The following PCDHGB2 variants were observed in gnomAD, a reference collection of about 807,000 sequenced individuals.
PCDHGB2 encodes protocadherin gamma-B2.
In PCDHGB2, 55 loss-of-function variants were observed where a neutral mutation model predicts 59.3. That is an observed-to-expected ratio of 0.93 (90% CI 0.75 to 1.16). The LOEUF (loss-of-function observed/expected upper bound fraction) is 1.16. Ranked by LOEUF, PCDHGB2 falls within the 50% of genes most tolerant of loss-of-function variation. The pLI, the probability that PCDHGB2 is intolerant of heterozygous loss-of-function variation, is 0.00. For synonymous variants in PCDHGB2, 516 were observed against 512.0 expected, an observed-to-expected ratio of 1.01 and a Z score of -0.11; for missense variants, 1,228 against 1,198.5, an observed-to-expected ratio of 1.02 and a Z score of -0.36.
chr5:141,414,060 G>C (rs769101242), intron 1 of PCDHGB2: 1 of 1,609,304 alleles, frequency 6.2e-7, no homozygotes, highest in South Asian at 1.1e-5. Flanking sequence ...AATTGTTGAA[G>C]TTCCAACTAA....
At chr5:141,400,547 C>A (rs534226736) in intron 1 of PCDHGB2, 12 of 1,613,676 alleles carry the variant, frequency 7.4e-6, no homozygotes, top group African/African-American at 2.7e-5. Flanking sequence ...TATGTCTATT[C>A]TTTTTCATTA....
At chr5:141,386,634 G>A (rs1351043708) in intron 1 of PCDHGB2, among the ~76,000 whole-genome samples, 2 of 151,884 alleles carry the variant, frequency 1.3e-5, no homozygotes, top group Non-Finnish European at 2.9e-5. Context: ...CTGTCACCCA[G>A]GCTGGATACA....
intron 1 of PCDHGB2, chr5:141,410,353 C>T: frequency 1.9e-6 from 3 of 1,614,078 alleles, no homozygotes; most frequent in Non-Finnish European, 2.5e-6. Flanking sequence ...GCCTGCGACG[C>T]TCTCTCAGCC....
rs534823543 is a variant in PCDHGB2, at chr5:141,383,535, C to T, written c.2421+20979C>T. ...AAGAGCGGGTTCACCACCTGGTCCT[C>T]ACAGCCTCTGATGGCGGCGACCCGC... On this transcript the variant is annotated intron_variant, in intron 1 of 3. Transcript: ENST00000522605. The T allele has an allele frequency of 1.9e-5, 31 of 1,612,472 alleles. No individual in the cohort carries two copies. The African/African-American group carries it at 3.7e-4, about 19-fold the overall frequency.
In PCDHGB2 at chr5:141,477,097, G is replaced by A; in HGVS notation, c.2422-17710G>A. ...AGATTTACATCCAGGCCAAAGACAAGGGCGCCAATCCCGAAGGAGCACATT... is the reference window on the plus strand; with the variant it reads ...AGATTTACATCCAGGCCAAAGACAAAGGCGCCAATCCCGAAGGAGCACATT... On this transcript the variant is annotated intron_variant, in intron 1 of 3. Transcript: ENST00000522605. This position sits in a 1 kb window ranked among gnomAD's most constrained non-coding sequence, Gnocchi z 4.9. 1 of 1,614,242 alleles carries A rather than the reference G, an allele frequency of 6.2e-7. No homozygotes were observed. Among genetic ancestry groups the A allele is most frequent in the South Asian group, 1.1e-5 (1 of 91,088 alleles).
chr5:141,379,097 A>G (rs1775367339), intron 1 of PCDHGB2: 1 of 152,260 alleles, frequency 6.6e-6, no homozygotes, highest in Non-Finnish European at 1.5e-5. Context: ...ATGTGTAAGA[A>G]AAAAGCAATT....
At chr5:141,384,518 C>T (rs1479729851) in intron 1 of PCDHGB2, 7 of 1,614,192 alleles carry the variant, frequency 4.3e-6, no homozygotes, top group East Asian at 4.5e-5. Flanking sequence ...AGCGGGGACC[C>T]GCCTCTCAGC....
At chr5:141,369,276 A>T (rs1275189413) in intron 1 of PCDHGB2, among the ~76,000 whole-genome samples, 1 of 152,086 alleles carries the variant, frequency 6.6e-6, no homozygotes, top group Non-Finnish European at 1.5e-5. Context: ...CTTACAATTC[A>T]CTCCCCAATC....
At chr5:141,379,256 A>C (rs896314996) in intron 1 of PCDHGB2, 1 of 152,234 alleles carries the variant, frequency 6.6e-6, no homozygotes, top group Non-Finnish European at 1.5e-5. Flanking sequence ...ATTTACATTT[A>C]AGGAATTGTT....
chr5:141,490,143 A>G lies in PCDHGB2; in HGVS notation c.2422-4664A>G. On this transcript the variant is annotated intron_variant, in intron 1 of 3. Transcript: ENST00000522605. The surrounding 1 kb of genome is among the most constrained non-coding windows in gnomAD (Gnocchi z 5.4). ...TTGGCCTAGACCCTAGCAGTGGGGC[A>G]ATCCATGTGTTGGGTCCCATAGACT... is the stretch of plus-strand genomic sequence containing the variant. 1 of 1,614,234 alleles carries G rather than the reference A, an allele frequency of 6.2e-7. No homozygotes were observed. The highest frequency in any genetic ancestry group is 8.5e-7 in the Non-Finnish European group (1 of 1,180,034).
intron 1 of PCDHGB2, among the ~76,000 whole-genome samples, chr5:141,465,119 A>T (rs2099097382): frequency 6.6e-6 from 1 of 151,780 alleles, no homozygotes; most frequent in Non-Finnish European, 1.5e-5. Flanking sequence ...GTTTTAGCCT[A>T]AATTTGTAAA....
intron 1 of PCDHGB2, chr5:141,388,159 G>A (rs1420782628): frequency 6.8e-7 from 1 of 1,473,814 alleles, no homozygotes; most frequent in African/African-American, 1.4e-5. Context: ...AGGCTAGACA[G>A]GGAGGAGATA....
In PCDHGB2 at chr5:141,486,042, G is replaced by A; in HGVS notation, c.2422-8765G>A. The A allele has an allele frequency of 6.2e-7, 1 of 1,614,180 alleles. No individual in the cohort carries two copies. The highest frequency in any genetic ancestry group is 8.5e-7 in the Non-Finnish European group (1 of 1,180,030). On this transcript the variant is annotated intron_variant, in intron 1 of 3. Coordinates refer to ENST00000522605, the MANE Select transcript of PCDHGB2 (RefSeq NM_018923.3). This position sits in a 1 kb window ranked among gnomAD's most constrained non-coding sequence, Gnocchi z 5.0. The stretch of plus-strand genomic sequence containing the variant: ...AGTGGTCATACCCCTGATCGTGTAA[G>A]AAACCTCTTTAGCCTGCACCCCACT...
chr5:141,370,144 A>G (rs1427805269), intron 1 of PCDHGB2: 2 of 435,992 alleles, frequency 4.6e-6, no homozygotes, highest in Non-Finnish European at 4.0e-6. Flanking sequence ...TTTAGTCACC[A>G]TTACTGCAGT....
At chr5:141,422,209 C>G (rs1463323983) in intron 1 of PCDHGB2, 1 of 1,561,666 alleles carries the variant, frequency 6.4e-7, no homozygotes, top group East Asian at 2.2e-5. Context: ...TGGTGGAGGT[C>G]TCTTTACCAC....
Position 141,489,753 on chromosome 5 carries a change from T to A in PCDHGB2, c.2422-5054T>A, listed in dbSNP as rs549652158. On this transcript the variant is annotated intron_variant, in intron 1 of 3. Transcript: ENST00000522605. The surrounding 1 kb of genome is among the most constrained non-coding windows in gnomAD (Gnocchi z 4.5). ...GCACCAATACTGTGAGCTTTTACAC[T>A]CTAAGCCCCAACAGCCACTTCTCTC... 6.2e-7 allele frequency: 1 copy of A among 1,614,070 alleles called. No homozygotes were observed. The highest frequency in any genetic ancestry group is 2.2e-5 in the East Asian group (1 of 44,866).
intron 1 of PCDHGB2, among the ~76,000 whole-genome samples, chr5:141,474,266 G>A (rs1420620306): frequency 6.6e-6 from 1 of 152,186 alleles, no homozygotes; most frequent in Non-Finnish European, 1.5e-5. Context: ...ATAAACCAGT[G>A]TATCTCTGAA....
At position 141,482,089 on chromosome 5, in the gene PCDHGB2, CAAA is replaced by C. The variant is rs36035257; in HGVS notation, c.2422-12704_2422-12702del. 2.7e-4 allele frequency among the ~76,000 whole-genome samples: 36 copies of C among 134,496 alleles called. No individual in the cohort carries two copies. The East Asian group carries it at 3.5e-3, about 13-fold the overall frequency. The allele number at this position is 134,496 out of a possible 152,430, so 88.2% of individuals were successfully genotyped here. On this transcript the variant is annotated intron_variant, in intron 1 of 3. Coordinates refer to ENST00000522605, the MANE Select transcript of PCDHGB2 (RefSeq NM_018923.3). ...AACAAGAACAAAACTCACTCCATCTCAAAAAAAAAAAAAAAATATCTAGAGATG... is the reference window on the plus strand; with the variant it reads ...AACAAGAACAAAACTCACTCCATCTCAAAAAAAAAAAAATATCTAGAGATG...
rs70988800 is a variant in PCDHGB2 at position 141,379,889 on chromosome 5, C to CTTTTTTTTTTTTTTTTT, written c.2421+17347_2421+17363dup. On this transcript the variant is annotated intron_variant, in intron 1 of 3. Transcript: ENST00000522605. ...CTTATTTTATGGTCTGTGAAAGCCT[C>CTTTTTTTTTTTTTTTTT]TTTTTTTTTTTTTTTTTTTTTTTTT... Among the ~76,000 whole-genome samples the CTTTTTTTTTTTTTTTTT allele has an allele frequency of 3.2e-3, 165 of 50,828 alleles. 28 individuals carry two copies. Among genetic ancestry groups the CTTTTTTTTTTTTTTTTT allele is most frequent in the Non-Finnish European group, 4.5e-3 (116 of 25,882 alleles). The allele number at this position is 50,828 out of a possible 152,430, so 33.3% of individuals were successfully genotyped here. A position where few individuals can be genotyped will look rare whatever the true frequency, so the allele number is the denominator to read the frequency against.
Sources: allele counts gnomAD v4.1 joint callset (sites outside exome capture counted in the v4.1 genomes callset), GRCh38; gene constraint gnomAD v4.1.1; non-coding constraint Gnocchi (gnomAD v3.1); transcripts MANE v1.5; gene names NCBI Gene and HGNC (gene_info 2026-07-23, HGNC 2026-07-21).